The following PRKDC variants were observed in gnomAD, a reference collection of about 807,000 sequenced individuals.
PRKDC encodes DNA-dependent protein kinase catalytic subunit.
A neutral mutation model predicts 486.9 loss-of-function variants in PRKDC; 82 were observed. The ratio of observed to expected loss-of-function variants is 0.17; its 90% confidence interval spans 0.14 to 0.20. The LOEUF is 0.20. PRKDC is among the 10% of genes least tolerant of loss of function. PRKDC has a pLI of 1.00. For synonymous variants in PRKDC, 1,895 were observed against 1,837.0 expected (o/e 1.03, Z -0.81); for missense variants, 4,504 against 5,038.2 (o/e 0.89, Z 3.21).
rs573151057 is a variant in PRKDC at position 47,882,429 on chromosome 8, C to T, written c.4777-332G>A. Reference sequence around the variant, plus strand: ...ATGCACAAGCACACACAGGTGTACACGCACAAGCACACAAATATGCACATA... The same window carrying T: ...ATGCACAAGCACACACAGGTGTACATGCACAAGCACACAAATATGCACATA... On this transcript the variant is annotated intron_variant, in intron 36 of 85. Coordinates refer to ENST00000314191, the MANE Select transcript of PRKDC (RefSeq NM_006904.7). Among the ~76,000 whole-genome samples, 28 of 152,278 alleles carry T rather than the reference C, an allele frequency of 1.8e-4. 2 individuals carry two copies. Among genetic ancestry groups the T allele is most frequent in the South Asian group, 1.0e-3 (5 of 4,828 alleles).
At chr8:47,870,897 A>G (rs180984145) in intron 40 of PRKDC, among the ~76,000 whole-genome samples, 18 of 152,338 alleles carry the variant, frequency 1.2e-4, no homozygotes, top group African/African-American at 4.3e-4. Flanking sequence ...AAAATTAAAA[A>G]GAATCAAGCA....
intron 26 of PRKDC, 119 bp from the exon 27 acceptor site, chr8:47,902,914 T>A (rs562390059): frequency 4.5e-6 from 3 of 663,522 alleles, no homozygotes; most frequent in African/African-American, 1.8e-5. Context: ...ATAGCACTAG[T>A]CAAGAAAAAA....
At position 47,906,328 on chromosome 8, in the gene PRKDC, CAG is replaced by C. The variant is rs200831052; in HGVS notation, c.2935-1354_2935-1353del. ...CACTACTGCACTCCAGCATGAGTGA[CAG>C]AGGGACACCGTGTCTAAAAAAAAAA... is the stretch of plus-strand genomic sequence containing the variant. On this transcript the variant is annotated intron_variant, in intron 25 of 85. Coordinates refer to ENST00000314191, the MANE Select transcript of PRKDC (RefSeq NM_006904.7). Among the ~76,000 whole-genome samples the C allele has an allele frequency of 4.8e-3, 729 of 151,796 alleles. 15 individuals are homozygous for C. Among genetic ancestry groups the C allele is most frequent in the Admixed American group, 0.035 (528 of 15,248 alleles).
chr8:47,847,055 T>G (rs537348150), intron 54 of PRKDC, among the ~76,000 whole-genome samples: 2 of 152,214 alleles, frequency 1.3e-5, no homozygotes, highest in Non-Finnish European at 2.9e-5. Flanking sequence ...ATTGTTAGAA[T>G]AGCCATTCTG....
At chr8:47,884,145 T>C (rs1359029006) in intron 36 of PRKDC, among the ~76,000 whole-genome samples, 1 of 152,242 alleles carries the variant, frequency 6.6e-6, no homozygotes, top group African/African-American at 2.4e-5. Flanking sequence ...TATTCAGCCA[T>C]GCCAGAGCCC....
At chr8:47,919,630 C>T (rs2090042000) in intron 21 of PRKDC, among the ~76,000 whole-genome samples, 1 of 152,096 alleles carries the variant, frequency 6.6e-6, no homozygotes, top group Non-Finnish European at 1.5e-5. Flanking sequence ...CTTAGCTCTG[C>T]TCTCTCTAGC....
At chr8:47,929,061 A>AT in intron 19 of PRKDC, 31 bp downstream of exon 19, 1 of 1,378,480 alleles carries the variant, frequency 7.3e-7, no homozygotes, top group Non-Finnish European at 1.0e-6. Context: ...ACAGTTCATG[A>AT]TAACACTAAG....
At chr8:47,878,050 A>G (rs1376811994) in intron 39 of PRKDC, among the ~76,000 whole-genome samples, 199 bp from the exon 40 acceptor site, 3 of 150,980 alleles carry the variant, frequency 2.0e-5, no homozygotes, top group Non-Finnish European at 2.9e-5. Context: ...TGGCTGGTAT[A>G]TATCAATGTT....
At chr8:47,798,419 A>C in intron 72 of PRKDC, 22 bp from the exon 73 acceptor site, 1 of 1,555,794 alleles carries the variant, frequency 6.4e-7, no homozygotes, top group Non-Finnish European at 8.7e-7. Flanking sequence ...ACCAAAGAAG[A>C]AAGCAATGGT....
chr8:47,952,648 G>A (rs2090644216), intron 7 of PRKDC, among the ~76,000 whole-genome samples: 1 of 151,946 alleles, frequency 6.6e-6, no homozygotes, highest in Non-Finnish European at 1.5e-5. Flanking sequence ...TTGAGCCCAG[G>A]AGTTCAAGAC....
intron 30 of PRKDC, among the ~76,000 whole-genome samples, chr8:47,894,938 TG>T (rs2089545571): frequency 6.6e-6 from 1 of 152,090 alleles, no homozygotes; most frequent in South Asian, 2.1e-4. Flanking sequence ...GAGCCAGGCC[TG>T]GTAGCACATG....
intron 74 of PRKDC, among the ~76,000 whole-genome samples, chr8:47,791,609 G>A (rs910596220): frequency 6.6e-6 from 1 of 152,086 alleles, no homozygotes; most frequent in Non-Finnish European, 1.5e-5. Context: ...CATACAAATG[G>A]TAAACAGGTA....
chr8:47,779,239 T>C, intron 80 of PRKDC, 146 bp from the exon 81 acceptor site: 1 of 579,562 alleles, frequency 1.7e-6, no homozygotes, highest in Non-Finnish European at 3.0e-6. Context: ...ATATTAACAT[T>C]GAACCCACAT....
chr8:47,919,829 G>C (rs1334437787), intron 21 of PRKDC, among the ~76,000 whole-genome samples: 2 of 151,870 alleles, frequency 1.3e-5, no homozygotes, highest in Admixed American at 6.6e-5. Context: ...TGTCTGTTGG[G>C]GAACAGGCCC....
At chr8:47,923,541 G>A (rs750341522) in intron 21 of PRKDC, among the ~76,000 whole-genome samples, 7 of 152,232 alleles carry the variant, frequency 4.6e-5, no homozygotes, top group South Asian at 4.1e-4. Flanking sequence ...TGGCCCACAA[G>A]TCCTACTGCT....
chr8:47,777,929 C>T, intron 83 of PRKDC, 55 bp from the exon 84 acceptor site: 2 of 1,522,846 alleles, frequency 1.3e-6, no homozygotes, highest in Non-Finnish European at 1.8e-6. Flanking sequence ...TCTCAAAGTA[C>T]CGAGCACAAA....
At position 47,774,394 on chromosome 8, in the gene PRKDC, C is replaced by T. The variant is rs1589685843; in HGVS notation, c.12183-17G>A. 6.2e-7 allele frequency: 1 copy of T among 1,606,370 alleles called. No individual in the cohort carries two copies. The highest frequency in any genetic ancestry group is 8.5e-7 in the Non-Finnish European group (1 of 1,176,862). On this transcript the variant is annotated splice_polypyrimidine_tract_variant and intron_variant, in intron 85 of 85. Coordinates refer to ENST00000314191, the MANE Select transcript of PRKDC (RefSeq NM_006904.7). ...AGCTCATCACTGGAAAAAAAACAAA[C>T]ACAGAAAACACAAAGCATGTGTCAT...
chr8:47,783,880 T>C, intron 77 of PRKDC, 71 bp from the exon 78 acceptor site: 1 of 1,437,234 alleles, frequency 7.0e-7, no homozygotes, highest in Non-Finnish European at 9.8e-7. Flanking sequence ...ACATGCCTCT[T>C]GATCTACTTT....
At position 47,892,191 on chromosome 8, in the gene PRKDC, T is replaced by G. The variant is rs1045969905; in HGVS notation, c.3847+948A>C. Among the ~76,000 whole-genome samples the G allele has an allele frequency of 5.3e-5, 8 of 152,290 alleles. No homozygotes were observed. The East Asian group carries it at 9.7e-4, about 18-fold the overall frequency. On this transcript the variant is annotated intron_variant, in intron 31 of 85. Transcript: ENST00000314191. ...GGCCATGAACAAGTTTTTTTAATAC[T>G]AAAATCTATACGTACAAAAATAAAA...
Sources: gnomAD v4.1 joint callset for allele counts (sites outside exome capture counted in the v4.1 genomes callset) on GRCh38, gnomAD v4.1.1 for gene constraint, MANE v1.5 for transcripts, NCBI Gene and HGNC (gene_info 2026-07-23, HGNC 2026-07-21) for gene names.